SLC23A2: variants seen among roughly 807,000 people sequenced by gnomAD.
SLC23A2 encodes solute carrier family 23 member 2.
In SLC23A2, 36 loss-of-function variants were observed where a neutral mutation model predicts 73.3. That is an observed-to-expected ratio of 0.49 (90% CI 0.38 to 0.65). The LOEUF (loss-of-function observed/expected upper bound fraction) is 0.65. Among genes scored for constraint, SLC23A2 ranks in the 30% least tolerant of loss-of-function variants. The pLI, the probability that SLC23A2 is intolerant of heterozygous loss-of-function variation, is 0.00. For missense variants in SLC23A2, 507 were observed against 841.6 expected (o/e 0.60, Z 4.92); for synonymous variants, 343 against 327.3 (o/e 1.05, Z -0.52).
chr20:4,988,744 A>AG (rs1342891260), intron 1 of SLC23A2, among the ~76,000 whole-genome samples: 2 of 151,150 alleles, frequency 1.3e-5, no homozygotes, highest in Admixed American at 6.6e-5. Context: ...CAAAAAAAAA[A>AG]AAAGAAAGAA....
At chr20:5,004,423 C>T (rs755084402), upstream of SLC23A2, among the ~76,000 whole-genome samples, 3 of 152,134 alleles carry the variant, frequency 2.0e-5, no homozygotes, top group Admixed American at 6.6e-5. Context: ...TGTTAACCAT[C>T]GAAAAAGTTT....
chr20:4,930,369 T>C lies in SLC23A2; in HGVS notation c.108+2086A>G, dbSNP rs968096725. Among the ~76,000 whole-genome samples, 7 of 152,212 alleles carry C rather than the reference T, an allele frequency of 4.6e-5. No individual in the cohort carries two copies. In the East Asian group the frequency reaches 5.8e-4, roughly 13 times the overall value. Reference sequence around the variant, plus strand: ...TGTGTCAACCTTAAGCTTTCAACAGTGAAGAAAATCCAGTTTCAAAATTTT... The same window carrying C: ...TGTGTCAACCTTAAGCTTTCAACAGCGAAGAAAATCCAGTTTCAAAATTTT... On this transcript the variant is annotated intron_variant, in intron 3 of 16. Transcript: ENST00000338244.
intron 1 of SLC23A2, among the ~76,000 whole-genome samples, chr20:4,988,705 C>CAGG (rs1406188340): frequency 1.4e-5 from 2 of 144,042 alleles, no homozygotes; most frequent in Admixed American, 1.5e-4. Context: ...CCCTGCACTC[C>CAGG]AGCCTAGCGA....
chr20:4,982,868 G>A (rs2087748146), intron 1 of SLC23A2, among the ~76,000 whole-genome samples: 1 of 152,124 alleles, frequency 6.6e-6, no homozygotes, highest in African/African-American at 2.4e-5. Flanking sequence ...CACTTTGGGA[G>A]GCCGAGGCAG....
intron 13 of SLC23A2, among the ~76,000 whole-genome samples, chr20:4,866,523 C>T (rs527496222): frequency 3.9e-5 from 6 of 152,290 alleles, no homozygotes; most frequent in Middle Eastern, 3.4e-3. Context: ...TCCAGGATGG[C>T]GCTAGAGGAA....
chr20:4,934,579 T>C (rs914717482), intron 2 of SLC23A2, among the ~76,000 whole-genome samples: 5 of 152,012 alleles, frequency 3.3e-5, no homozygotes, highest in African/African-American at 9.7e-5. Flanking sequence ...AAGAATTTTC[T>C]GGCCAGGTGT....
rs527756299 is a variant in SLC23A2 at position 4,868,230 on chromosome 20, T to C, written c.1251-355A>G. On this transcript the variant is annotated intron_variant, in intron 12 of 16. Transcript: ENST00000338244. This position sits in a 1 kb window ranked among gnomAD's most constrained non-coding sequence, Gnocchi z 4.4. ...CTGGGATTACAGGTTTGCACCACCA[T>C]GCCTGGCTAATTTTTGTATTTTTAG... Among the ~76,000 whole-genome samples, 6 of 152,158 alleles carry C rather than the reference T, an allele frequency of 3.9e-5. No homozygotes were observed. Among genetic ancestry groups the C allele is most frequent in the African/African-American group, 1.4e-4 (6 of 41,510 alleles).
intron 4 of SLC23A2, among the ~76,000 whole-genome samples, chr20:4,910,690 C>CTGTGG (rs1932110538): frequency 6.6e-6 from 1 of 152,190 alleles, no homozygotes; most frequent in African/African-American, 2.4e-5. Flanking sequence ...CCCATCTCGG[C>CTGTGG]CTCCCAAAGT....
At chr20:4,893,794 G>A (rs1009598456) in intron 6 of SLC23A2, among the ~76,000 whole-genome samples, 2 of 152,182 alleles carry the variant, frequency 1.3e-5, no homozygotes, top group Non-Finnish European at 2.9e-5. Context: ...CTCAGAGGGG[G>A]CATCCTACCT....
chr20:4,876,282 T>G (rs1930652515), intron 9 of SLC23A2, among the ~76,000 whole-genome samples: 2 of 152,188 alleles, frequency 1.3e-5, no homozygotes, highest in Admixed American at 1.3e-4. Flanking sequence ...TTTGTCATCA[T>G]TATTTCAGGC....
chr20:4,867,415 C>T (rs997048187), intron 13 of SLC23A2, among the ~76,000 whole-genome samples: 5 of 152,184 alleles, frequency 3.3e-5, no homozygotes, highest in Non-Finnish European at 7.3e-5. Context: ...CATAATGCAT[C>T]ATTTATGGAC....
chr20:4,971,618 CAAAAA>C (rs944620433), intron 1 of SLC23A2, among the ~76,000 whole-genome samples: 5 of 60,116 alleles, frequency 8.3e-5, no homozygotes, highest in Admixed American at 2.0e-4. Flanking sequence ...CTTGTCTCTA[CAAAAA>C]AAAAAAAAAA....
chr20:4,866,293 A>AG (rs1388148166), intron 13 of SLC23A2, among the ~76,000 whole-genome samples: 1 of 152,244 alleles, frequency 6.6e-6, no homozygotes, highest in African/African-American at 2.4e-5. Context: ...AAACAATATT[A>AG]GTTCAGAAAC....
intron 6 of SLC23A2, among the ~76,000 whole-genome samples, chr20:4,888,212 G>A (rs1350400603): frequency 6.6e-6 from 1 of 152,192 alleles, no homozygotes; most frequent in Non-Finnish European, 1.5e-5. Flanking sequence ...AACCTGGGGT[G>A]CTACCTGTTC....
At chr20:4,960,645 C>T (rs1776953) in intron 2 of SLC23A2, among the ~76,000 whole-genome samples, 9,024 of 152,200 alleles carry the variant, frequency 0.059, 367 homozygotes, top group Middle Eastern at 0.12. Flanking sequence ...TTTTAAATCA[C>T]GCAATCATTA....
At chr20:4,955,212 T>A (rs1182755455) in intron 2 of SLC23A2, among the ~76,000 whole-genome samples, 1 of 151,722 alleles carries the variant, frequency 6.6e-6, no homozygotes, top group East Asian at 1.9e-4. Flanking sequence ...AATGACTACA[T>A]CTCTGCAATC....
chr20:4,870,653 C>T (rs576022307), intron 11 of SLC23A2, among the ~76,000 whole-genome samples: 1 of 152,092 alleles, frequency 6.6e-6, no homozygotes, highest in Non-Finnish European at 1.5e-5. Flanking sequence ...TGCTTCCAAG[C>T]CACACTCAGT....
Position 4,874,051 on chromosome 20 carries a change from G to A in SLC23A2, c.987C>T (p.Ile329=). The change falls in exon 11 of 17, where the codon ATC becomes ATT. Residue 329 remains isoleucine, a synonymous_variant. Coordinates refer to ENST00000338244, the MANE Select transcript of SLC23A2 (RefSeq NM_005116.6). ...AILVSWLLCF[I]FTVTDVFPPD... is the part of the protein sequence containing the mutation. The stretch of plus-strand genomic sequence containing the variant: ...GAGGGAAGACATCTGTCACCGTGAA[G>A]ATGAAGCAGAGCAGCCAGGATACCA... The A allele has an allele frequency of 1.2e-6, 2 of 1,614,166 alleles. No individual in the cohort carries two copies. The highest frequency in any genetic ancestry group is 1.3e-5 in the African/African-American group (1 of 75,060).
intron 1 of SLC23A2, among the ~76,000 whole-genome samples, chr20:4,996,576 C>T (rs1225002453): frequency 1.3e-5 from 2 of 149,376 alleles, no homozygotes; most frequent in Non-Finnish European, 3.0e-5. Flanking sequence ...ATCCCAGCTA[C>T]TTGGGAGGCT....
Sources: gnomAD v4.1 joint callset for allele counts (sites outside exome capture counted in the v4.1 genomes callset) on GRCh38, gnomAD v4.1.1 for gene constraint, Gnocchi (gnomAD v3.1) non-coding constraint, MANE v1.5 for transcripts, NCBI Gene and HGNC (gene_info 2026-07-23, HGNC 2026-07-21) for gene names.